ITGA8: variants seen among roughly 807,000 people sequenced by gnomAD.
The protein encoded by ITGA8 is integrin alpha-8.
ITGA8 carries 91 observed loss-of-function variants against 142.3 expected under a neutral mutation model. The observed-to-expected ratio is 0.64, with a 90% CI of 0.54 to 0.76. The LOEUF (loss-of-function observed/expected upper bound fraction) is 0.76, where lower values mean the gene tolerates loss of function less well. Ranked by LOEUF, ITGA8 falls within the 30% of genes least tolerant of loss-of-function variation. ITGA8 has a pLI of 0.00. For synonymous variants in ITGA8, 505 were observed against 485.2 expected, an observed-to-expected ratio of 1.04 and a Z score of -0.54; for missense variants, 1,406 against 1,327.7, an observed-to-expected ratio of 1.06 and a Z score of -0.92.
chr10:15,683,812 T>C (rs557547959), intron 4 of ITGA8, among the ~76,000 whole-genome samples, 192 bp downstream of exon 4: 184 of 152,208 alleles, frequency 1.2e-3, no homozygotes, highest in Non-Finnish European at 2.4e-3. Context: ...AGAAGATCAG[T>C]AGAATTCCAC....
chr10:15,711,413 A>G (rs1041710170), intron 2 of ITGA8, among the ~76,000 whole-genome samples: 2 of 151,870 alleles, frequency 1.3e-5, no homozygotes, highest in Non-Finnish European at 2.9e-5. Context: ...CAGCCACAAA[A>G]CCATATTTAA....
At chr10:15,668,268 A>G (rs1201881493) in intron 8 of ITGA8, among the ~76,000 whole-genome samples, 1 of 152,154 alleles carries the variant, frequency 6.6e-6, no homozygotes, top group East Asian at 1.9e-4. Context: ...TTTTATCATT[A>G]TGTAATGGCC....
At chr10:15,700,571 C>A (rs561894003) in intron 2 of ITGA8, among the ~76,000 whole-genome samples, 10 of 152,256 alleles carry the variant, frequency 6.6e-5, no homozygotes, top group African/African-American at 2.2e-4. Flanking sequence ...ATAGCTGGGA[C>A]TTAATTAAAC....
rs371774559 is a variant in ITGA8, at chr10:15,676,188, G to A, written c.676+1404C>T. On this transcript the variant is annotated intron_variant, in intron 6 of 29. Coordinates refer to ENST00000378076, the MANE Select transcript of ITGA8 (RefSeq NM_003638.3). ...CCTGCCTCCCACAGTACATCTGCACGTGGTCCCTCTTCTCTTCACCTAGGT... is the reference window on the plus strand; with the variant it reads ...CCTGCCTCCCACAGTACATCTGCACATGGTCCCTCTTCTCTTCACCTAGGT... Among the ~76,000 whole-genome samples the A allele has an allele frequency of 2.2e-4, 33 of 152,198 alleles. No individual in the cohort carries two copies. In the South Asian group the frequency reaches 2.5e-3, roughly 11 times the overall value.
At chr10:15,675,478 T>C (rs984675206) in intron 6 of ITGA8, among the ~76,000 whole-genome samples, 4 of 152,186 alleles carry the variant, frequency 2.6e-5, no homozygotes, top group African/African-American at 7.2e-5. Context: ...TCTTTTACAG[T>C]CAGTACCACC....
In ITGA8 at chr10:15,678,739, TA is replaced by T; in HGVS notation, c.612del (p.Phe204LeufsTer25). On this transcript the variant is annotated frameshift_variant, in exon 5 of 30. Coordinates refer to ENST00000378076, the MANE Select transcript of ITGA8 (RefSeq NM_003638.3). LOFTEE classifies it high-confidence loss of function. ...TAATTCACCTTATAAAAATCCAGAC[TA>T]AATCCTGCTTGGCAGTAACCCTGGC... ...PEGQGYCQAG[F>X]SLDFYKNGDL... 1.2e-6 allele frequency: 2 copies of T among 1,610,444 alleles called. No individual in the cohort carries two copies. The highest frequency in any genetic ancestry group is 1.7e-6 in the Non-Finnish European group (2 of 1,176,938).
At chr10:15,537,701 G>C (rs1361395977) in intron 27 of ITGA8, among the ~76,000 whole-genome samples, 3 of 152,162 alleles carry the variant, frequency 2.0e-5, no homozygotes, top group African/African-American at 7.2e-5. Flanking sequence ...TCATTGAAAA[G>C]TTGTTCTCCC....
intron 13 of ITGA8, among the ~76,000 whole-genome samples, chr10:15,619,205 A>G (rs899373406): frequency 2.0e-5 from 3 of 152,012 alleles, no homozygotes; most frequent in African/African-American, 7.2e-5. Flanking sequence ...ATTTCTCAGG[A>G]TTTCTTAAAT....
intron 12 of ITGA8, among the ~76,000 whole-genome samples, chr10:15,644,468 ATATATATATATATATATATATATAGAATT>A (rs1833936691): frequency 8.3e-5 from 2 of 24,220 alleles, no homozygotes; most frequent in Non-Finnish European, 9.9e-5. Context: ...ATATATATAT[ATATATATATATATATATATATATAGAATT>A]TTTTTTTTTT....
At chr10:15,584,334 A>G (rs1834476447) in intron 23 of ITGA8, among the ~76,000 whole-genome samples, 1 of 152,076 alleles carries the variant, frequency 6.6e-6, no homozygotes. Context: ...ATATGTGCAA[A>G]AAATTGAACA....
intron 5 of ITGA8, 126 bp from the exon 6 acceptor site, chr10:15,677,763 A>T: frequency 2.6e-6 from 2 of 766,172 alleles, no homozygotes; most frequent in Non-Finnish European, 4.2e-6. Context: ...AGCAATTTTT[A>T]AAAGAGATCC....
intron 3 of ITGA8, among the ~76,000 whole-genome samples, chr10:15,684,662 A>T (rs1327430619): frequency 5.4e-5 from 8 of 148,702 alleles, no homozygotes; most frequent in Non-Finnish European, 1.0e-4. Context: ...GAAGAGCCAC[A>T]GCACCTAGGC....
intron 13 of ITGA8, 77 bp downstream of exon 13, chr10:15,643,953 T>C (rs1220939546): frequency 7.5e-7 from 1 of 1,334,022 alleles, no homozygotes; most frequent in African/African-American, 1.5e-5. Context: ...AAACTGCCTT[T>C]GCATGATGCA....
At chr10:15,558,029 A>G (rs1833914223) in intron 26 of ITGA8, 45 bp downstream of exon 26, 1 of 1,610,502 alleles carries the variant, frequency 6.2e-7, no homozygotes, top group African/African-American at 1.3e-5. Context: ...GGTTCTATCC[A>G]AGCCACTCAT....
intron 4 of ITGA8, among the ~76,000 whole-genome samples, chr10:15,682,696 A>T (rs1834759641): frequency 6.6e-6 from 1 of 151,988 alleles, no homozygotes; most frequent in Admixed American, 6.6e-5. Flanking sequence ...CTCTACAAAA[A>T]ATACAAAAAT....
intron 13 of ITGA8, among the ~76,000 whole-genome samples, chr10:15,623,656 A>C (rs765958302): frequency 3.9e-4 from 60 of 152,358 alleles, no homozygotes; most frequent in Admixed American, 8.5e-4. Flanking sequence ...ACTGCACTCC[A>C]GCCAGGGTGG....
At chr10:15,710,187 C>A (rs1835338060) in intron 2 of ITGA8, among the ~76,000 whole-genome samples, 1 of 152,130 alleles carries the variant, frequency 6.6e-6, no homozygotes, top group Non-Finnish European at 1.5e-5. Flanking sequence ...CAAAGATAGT[C>A]TCTCATTACA....
At chr10:15,605,657 A>G in intron 19 of ITGA8, 67 bp downstream of exon 19, 1 of 1,296,232 alleles carries the variant, frequency 7.7e-7, no homozygotes, top group Non-Finnish European at 1.1e-6. Context: ...CTTTCTCCAG[A>G]GAACCTTTAC....
At position 15,688,912 on chromosome 10, in the gene ITGA8, G is replaced by T. The variant is rs141404662; in HGVS notation, c.344-874C>A. Among the ~76,000 whole-genome samples, 172 of 152,292 alleles carry T rather than the reference G, an allele frequency of 1.1e-3. 1 individual carries two copies. Among genetic ancestry groups the T allele is most frequent in the African/African-American group, 3.3e-3 (136 of 41,556 alleles). On this transcript the variant is annotated intron_variant, in intron 2 of 29. Coordinates refer to ENST00000378076, the MANE Select transcript of ITGA8 (RefSeq NM_003638.3). ...ACATTACACTTAGCAGTGAAAAGTT[G>T]AAATCTTTTCCTCTAAGATCAGGAA...
Sources: allele counts gnomAD v4.1 joint callset (sites outside exome capture counted in the v4.1 genomes callset), GRCh38; gene constraint gnomAD v4.1.1; transcripts MANE v1.5; gene names NCBI Gene and HGNC (gene_info 2026-07-23, HGNC 2026-07-21).